ADAM7: variants seen among roughly 807,000 people sequenced by gnomAD.
ADAM7 encodes the protein ADAM metallopeptidase domain 7.
Under a neutral mutation model 102.9 loss-of-function variants are expected in ADAM7, and 97 were observed. That is an observed-to-expected ratio of 0.94 (90% CI 0.80 to 1.12). The LOEUF is 1.12. Ranked by LOEUF, ADAM7 falls within the 50% of genes most tolerant of loss-of-function variation. The probability of loss-of-function intolerance (pLI) is 0.00; values close to 1 mark genes in which losing one functional copy is unlikely to be tolerated. For synonymous variants in ADAM7, 334 were observed against 304.4 expected, an observed-to-expected ratio of 1.10 and a Z score of -1.01; for missense variants, 991 against 908.7, an observed-to-expected ratio of 1.09 and a Z score of -1.16.
At chr8:24,442,424 G>C (rs764053290) in intron 1 of ADAM7, 49 bp from the exon 2 acceptor site, 1 of 1,291,962 alleles carries the variant, frequency 7.7e-7, no homozygotes, top group Non-Finnish European at 1.1e-6. Context: ...AGCCGCTGTA[G>C]ACGAATGTTA....
At chr8:24,441,207 T>C (rs1818362447) in intron 1 of ADAM7, 47 bp downstream of exon 1, 1 of 1,546,362 alleles carries the variant, frequency 6.5e-7, no homozygotes, top group Non-Finnish European at 8.9e-7. Context: ...TGCTGTGAGG[T>C]TGTGTCTCTT....
At chr8:24,484,224 G>A (rs941843208) in intron 9 of ADAM7, among the ~76,000 whole-genome samples, 2 of 152,066 alleles carry the variant, frequency 1.3e-5, no homozygotes, top group Admixed American at 1.3e-4. Flanking sequence ...TGTAGGAAGA[G>A]AAACATTTCA....
At chr8:24,454,279 G>C (rs1818916386) in intron 3 of ADAM7, among the ~76,000 whole-genome samples, 1 of 152,226 alleles carries the variant, frequency 6.6e-6, no homozygotes. Flanking sequence ...AGGCAGGCCG[G>C]TCTCCTTGAG....
intron 3 of ADAM7, among the ~76,000 whole-genome samples, chr8:24,454,145 C>A (rs965750151): frequency 6.6e-6 from 1 of 152,230 alleles, no homozygotes; most frequent in South Asian, 2.1e-4. Context: ...TCTCAGATCT[C>A]CAGCTGCATG....
intron 8 of ADAM7, among the ~76,000 whole-genome samples, chr8:24,477,714 G>T (rs1278976748): frequency 6.6e-6 from 1 of 151,810 alleles, no homozygotes; most frequent in Non-Finnish European, 1.5e-5. Flanking sequence ...CTTCTGCCTT[G>T]TTATCTCTCT....
rs556899516 is a variant in ADAM7, at chr8:24,479,361, T to TTTTTG, written c.706-2756_706-2752dup. Reference sequence around the variant, plus strand: ...CCTGTCCTCCAGGAGTAGAAGGCTATTTTTGTTTTGTTTTGTTTTGTTTTG... The same window carrying TTTTTG: ...CCTGTCCTCCAGGAGTAGAAGGCTATTTTTGTTTTGTTTTGTTTTGTTTTGTTTTG... On this transcript the variant is annotated intron_variant, in intron 8 of 21. Transcript: ENST00000175238. Among the ~76,000 whole-genome samples, 768 of 152,198 alleles carry TTTTTG rather than the reference T, an allele frequency of 5.0e-3. 8 individuals are homozygous for TTTTTG. Among genetic ancestry groups the TTTTTG allele is most frequent in the African/African-American group, 0.017 (717 of 41,516 alleles).
intron 3 of ADAM7, among the ~76,000 whole-genome samples, chr8:24,448,095 T>G (rs1048327988): frequency 1.3e-5 from 2 of 152,136 alleles, no homozygotes; most frequent in Non-Finnish European, 2.9e-5. Flanking sequence ...TATTTTCACC[T>G]TCTCAGCATG....
intron 13 of ADAM7, 50 bp downstream of exon 13, chr8:24,490,938 G>A: frequency 6.3e-6 from 10 of 1,586,670 alleles, no homozygotes; most frequent in South Asian, 2.2e-5. Flanking sequence ...TTAAGAATAT[G>A]TAGGATCCAA....
In ADAM7 at chr8:24,509,301, A is replaced by G. The variant is rs925043329; in HGVS notation, c.*755A>G. ...GTTTCTAAGGTCTTTGTCCTGTGCA[A>G]TTTGACAATGTGCCATTTCTGTGCT... On this transcript the variant is annotated 3_prime_UTR_variant, in exon 22 of 22. Coordinates refer to ENST00000175238, the MANE Select transcript of ADAM7 (RefSeq NM_003817.4). 1.0e-6 allele frequency: 1 copy of G among 985,328 alleles called. No individual in the cohort carries two copies. The allele number at this position is 985,328 out of a possible 1,614,324, so 61.0% of individuals were successfully genotyped here.
chr8:24,509,435 A>G lies in ADAM7; in HGVS notation c.*889A>G, dbSNP rs1026955103. On this transcript the variant is annotated 3_prime_UTR_variant, in exon 22 of 22. Transcript: ENST00000175238. ...CTCAAGGTGTTCTTTTGTGTCCTCT[A>G]TTTTCTTCTTGTGAACTGTTAAAGC... 8.1e-6 allele frequency: 8 copies of G among 984,966 alleles called. No individual in the cohort carries two copies. Among genetic ancestry groups the G allele is most frequent in the Non-Finnish European group, 9.6e-6 (8 of 829,848 alleles). 61.0% of individuals were successfully genotyped at this position (984,966 alleles called of 1,614,324 possible). A position where few individuals can be genotyped will look rare whatever the true frequency, so the allele number is the denominator to read the frequency against.
chr8:24,492,068 G>T lies in ADAM7; in HGVS notation c.1522G>T (p.Glu508Ter). The change falls in exon 14 of 22, where the codon GAG (glutamate) becomes TAG (stop). Residue 508 changes from glutamate to a stop codon, truncating the protein, a stop_gained. Coordinates refer to ENST00000175238, the MANE Select transcript of ADAM7 (RefSeq NM_003817.4). LOFTEE classifies it high-confidence loss of function. ...TTTCATGGGGAAATGTCCAACTCGTGAGGATCAGTGCTCTGAACTATTTGA... is the reference window on the plus strand; with the variant it reads ...TTTCATGGGGAAATGTCCAACTCGTTAGGATCAGTGCTCTGAACTATTTGA... The part of the protein sequence containing the change: ...YCFMGKCPTR[E>*]DQCSELFDDE... 6.2e-7 allele frequency: 1 copy of T among 1,613,762 alleles called. No individual in the cohort carries two copies. The highest frequency in any genetic ancestry group is 8.5e-7 in the Non-Finnish European group (1 of 1,179,778).
chr8:24,466,217 T>C (rs1819419571), intron 5 of ADAM7, among the ~76,000 whole-genome samples: 1 of 152,200 alleles, frequency 6.6e-6, no homozygotes, highest in Non-Finnish European at 1.5e-5. Context: ...TTGAGCTGTG[T>C]TTGCAGCCTC....
At position 24,493,225 on chromosome 8, in the gene ADAM7, G is replaced by A; in HGVS notation, c.1838G>A (p.Gly613Glu). The A allele has an allele frequency of 2.5e-6, 4 of 1,595,466 alleles. No individual in the cohort carries two copies. The highest frequency in any genetic ancestry group is 3.4e-6 in the Non-Finnish European group (4 of 1,172,992). The change falls in exon 16 of 22, where the codon GGA becomes GAA. Residue 613 changes from glycine (G) to glutamate (E), a missense_variant. By Grantham distance (98) the Gly-to-Glu change is moderately conservative (BLOSUM62 -2). Transcript: ENST00000175238. Reference protein sequence around the residue: ...LVASGTKCGEGMVCNNGECLN... With the variant: ...LVASGTKCGEEMVCNNGECLN... ...GCGTCAGGAACAAAATGTGGAGAGG[G>A]AATGGTAAGACAAAAGCCCTTTGTT...
At chr8:24,450,879 G>A (rs1418711673) in intron 3 of ADAM7, among the ~76,000 whole-genome samples, 2 of 152,194 alleles carry the variant, frequency 1.3e-5, no homozygotes, top group South Asian at 4.2e-4. Context: ...AATTTTGTCA[G>A]AGGCCTTTTC....
rs563193955 is a variant in ADAM7, at chr8:24,475,040, C to G, written c.634-1393C>G. Among the ~76,000 whole-genome samples the G allele has an allele frequency of 2.6e-5, 4 of 152,262 alleles. No individual in the cohort carries two copies. In the East Asian group the frequency reaches 7.7e-4, roughly 29 times the overall value. ...TATCTCCACAATAATGAGGAATTCT[C>G]AGCAGGAAAGTGAAGTGAGGATATG... is the stretch of plus-strand genomic sequence containing the variant. On this transcript the variant is annotated intron_variant, in intron 7 of 21. Coordinates refer to ENST00000175238, the MANE Select transcript of ADAM7 (RefSeq NM_003817.4).
rs1212558697 is a variant in ADAM7, at chr8:24,451,120, T to G, written c.233+3858T>G. Among the ~76,000 whole-genome samples, 5 of 151,988 alleles carry G rather than the reference T, an allele frequency of 3.3e-5. No individual in the cohort carries two copies. The South Asian group carries it at 6.3e-4, about 19-fold the overall frequency. ...ATTGGTCTAAAATTCTCTTTTTTGG[T>G]TGTGTCTCTGCCAGGCTTTGGTATC... On this transcript the variant is annotated intron_variant, in intron 3 of 21. Transcript: ENST00000175238.
intron 3 of ADAM7, among the ~76,000 whole-genome samples, chr8:24,447,587 A>C (rs1276099710): frequency 6.6e-6 from 1 of 152,202 alleles, no homozygotes. Context: ...TGTGAAAAAC[A>C]TGGTTTTTAA....
intron 3 of ADAM7, among the ~76,000 whole-genome samples, chr8:24,460,977 A>G (rs374588718): frequency 1.3e-5 from 2 of 152,074 alleles, no homozygotes; most frequent in Non-Finnish European, 2.9e-5. Flanking sequence ...TGTGGCAAAA[A>G]TTCACTTCAG....
At chr8:24,503,580 C>T (rs937912935) in intron 20 of ADAM7, among the ~76,000 whole-genome samples, 12 of 152,020 alleles carry the variant, frequency 7.9e-5, no homozygotes, top group South Asian at 2.1e-4. Context: ...TGCACACGTA[C>T]GTTTACCGCA....
Sources: gnomAD v4.1 joint callset for allele counts (sites outside exome capture counted in the v4.1 genomes callset) on GRCh38, gnomAD v4.1.1 for gene constraint, MANE v1.5 for transcripts, NCBI Gene and HGNC (gene_info 2026-07-23, HGNC 2026-07-21) for gene names.